PTPRN2: variants seen among roughly 807,000 people sequenced by gnomAD.
PTPRN2 encodes protein tyrosine phosphatase receptor type N2, also known as receptor-type tyrosine-protein phosphatase N2.
In PTPRN2, 74 loss-of-function variants were observed where a neutral mutation model predicts 118.8. The observed-to-expected ratio is 0.62, with a 90% CI of 0.52 to 0.76. The LOEUF is 0.76. Ranked by LOEUF, PTPRN2 falls within the 30% of genes least tolerant of loss-of-function variation. The pLI is 0.00. For missense variants in PTPRN2, 1,481 were observed against 1,394.4 expected (o/e 1.06, Z -0.99); for synonymous variants, 641 against 608.0 (o/e 1.05, Z -0.80).
rs1799738180 is a variant in PTPRN2 at position 158,285,898 on chromosome 7, G to A, written c.277+30921C>T. Among the ~76,000 whole-genome samples the A allele has an allele frequency of 2.6e-5, 4 of 152,248 alleles. No homozygotes were observed. In the South Asian group the frequency reaches 8.3e-4, roughly 32 times the overall value. ...GGACACCAAAGGTTTCACAGAGAGA[G>A]CTCCACACACCTCTGAGGTTGGATC... On this transcript the variant is annotated intron_variant, in intron 3 of 22. Coordinates refer to ENST00000389418, the MANE Select transcript of PTPRN2 (RefSeq NM_002847.5).
In PTPRN2 at chr7:158,446,928, G is replaced by A. The variant is rs966604523; in HGVS notation, c.163+42807C>T. 3.9e-5 allele frequency among the ~76,000 whole-genome samples: 6 copies of A among 152,240 alleles called. No homozygotes were observed. The South Asian group carries it at 1.2e-3, about 32-fold the overall frequency. On this transcript the variant is annotated intron_variant, in intron 2 of 22. Transcript: ENST00000389418. ...TAGCTCCTGTTCCCACGGCCTCACG[G>A]CATCCGTCACTTTCGAGGGTCATCA... is the stretch of plus-strand genomic sequence containing the variant.
At chr7:158,375,981 C>T (rs569402304) in intron 2 of PTPRN2, among the ~76,000 whole-genome samples, 215 of 152,286 alleles carry the variant, frequency 1.4e-3, no homozygotes, top group South Asian at 6.2e-3. Context: ...TCTTCCTGGA[C>T]GCCAGATAAG....
At chr7:158,321,292 G>A (rs1045522762) in intron 2 of PTPRN2, among the ~76,000 whole-genome samples, 14 of 152,118 alleles carry the variant, frequency 9.2e-5, no homozygotes, top group African/African-American at 2.7e-4. Flanking sequence ...CCCAGAGCCC[G>A]TAACCCTCAG....
At chr7:158,358,355 G>C (rs1808558423) in intron 2 of PTPRN2, among the ~76,000 whole-genome samples, 1 of 152,220 alleles carries the variant, frequency 6.6e-6, no homozygotes, top group South Asian at 2.1e-4. Flanking sequence ...CAGAAGGATG[G>C]GCTGGAGGAG....
chr7:157,905,999 T>C (rs1471368072), intron 11 of PTPRN2, among the ~76,000 whole-genome samples: 1 of 152,170 alleles, frequency 6.6e-6, no homozygotes, highest in African/African-American at 2.4e-5. Context: ...GCTGCCACTT[T>C]CCACCCAGGG....
At chr7:158,190,465 G>C (rs988132624) in intron 5 of PTPRN2, among the ~76,000 whole-genome samples, 1 of 152,236 alleles carries the variant, frequency 6.6e-6, no homozygotes, top group Non-Finnish European at 1.5e-5. Flanking sequence ...CAGGCTCCTG[G>C]AAGGCTTTGG....
chr7:157,709,451 C>G (rs1798489864), intron 12 of PTPRN2, among the ~76,000 whole-genome samples: 2 of 152,196 alleles, frequency 1.3e-5, no homozygotes, highest in African/African-American at 2.4e-5. Context: ...AAATTACTGG[C>G]AGTGGACATT....
At chr7:158,328,793 T>TCCCCCCCC (rs368096894) in intron 2 of PTPRN2, among the ~76,000 whole-genome samples, 2 of 133,954 alleles carry the variant, frequency 1.5e-5, no homozygotes, top group African/African-American at 5.7e-5. Flanking sequence ...GGGCCTCCAT[T>TCCCCCCCC]CCCCCCCCCC....
In PTPRN2 at chr7:158,134,020, C is replaced by T. The variant is rs141258253; in HGVS notation, c.1213G>A (p.Asp405Asn). ...CCAGGTAAGAGTCGAGACCCGTGGTCCTGCAGGAGGCCCCCGAGTGTGGCA... is the reference window on the plus strand; with the variant it reads ...CCAGGTAAGAGTCGAGACCCGTGGTTCTGCAGGAGGCCCCCGAGTGTGGCA... ...LSATLGGLLQ[D>N]HGSRLLPGAL... The change falls in exon 9 of 23, where the codon GAC becomes AAC. Residue 405 changes from aspartate to asparagine, a missense_variant. This residue lies in a region of PTPRN2 where 1,115 missense variants were observed against 994.2 expected (regional missense o/e 1.12). Transcript: ENST00000389418. 6 of 1,613,796 alleles carry T rather than the reference C, an allele frequency of 3.7e-6. No individual in the cohort carries two copies. Among genetic ancestry groups the T allele is most frequent in the African/African-American group, 2.7e-5 (2 of 74,934 alleles).
chr7:158,123,835 C>G (rs1817383336), intron 9 of PTPRN2, among the ~76,000 whole-genome samples: 1 of 152,158 alleles, frequency 6.6e-6, no homozygotes, highest in Admixed American at 6.5e-5. Flanking sequence ...GAGCCGTGAA[C>G]CCGTGCTGAC....
At chr7:158,257,092 G>T (rs555351547) in intron 3 of PTPRN2, among the ~76,000 whole-genome samples, 2 of 152,166 alleles carry the variant, frequency 1.3e-5, no homozygotes, top group Non-Finnish European at 2.9e-5. Flanking sequence ...GATCTGGGTT[G>T]AAATGGAGTT....
intron 11 of PTPRN2, among the ~76,000 whole-genome samples, chr7:158,021,704 G>A (rs1476501603): frequency 2.6e-5 from 4 of 152,108 alleles, no homozygotes; most frequent in African/African-American, 7.2e-5. Context: ...GGCCTCGGGA[G>A]GAGCAGCCCT....
chr7:158,585,726 T>A (rs558621980), intron 1 of PTPRN2, among the ~76,000 whole-genome samples: 4 of 152,328 alleles, frequency 2.6e-5, no homozygotes, highest in South Asian at 4.1e-4. Flanking sequence ...TGCTGTGAAC[T>A]AGCCATTGCA....
chr7:157,721,509 C>T (rs1015080738), intron 12 of PTPRN2, among the ~76,000 whole-genome samples: 2 of 152,208 alleles, frequency 1.3e-5, no homozygotes, highest in Non-Finnish European at 2.9e-5. Context: ...AGCTGCGTTG[C>T]CTCCTGACTG....
intron 11 of PTPRN2, among the ~76,000 whole-genome samples, chr7:157,954,507 G>T (rs541638720): frequency 4.5e-4 from 11 of 24,460 alleles, no homozygotes; most frequent in Admixed American, 1.1e-3. Context: ...ACTGTGTGTG[G>T]TGTGTGTGTG....
intron 3 of PTPRN2, among the ~76,000 whole-genome samples, chr7:158,274,340 C>CA (rs1168822105): frequency 0.018 from 34 of 1,938 alleles, no homozygotes; most frequent in East Asian, 0.086. Flanking sequence ...GCCGCAGACG[C>CA]GGGAGAGCCA....
chr7:157,921,621 G>A lies in PTPRN2; in HGVS notation c.1724-22884C>T, dbSNP rs143721144. ...GGAGTGGGCTGCCGCAGGCAGGGAG[G>A]GCTGCTGTAAGGCGAGCCCAGCCCC... is the stretch of plus-strand genomic sequence containing the variant. On this transcript the variant is annotated intron_variant, in intron 11 of 22. Transcript: ENST00000389418. Among the ~76,000 whole-genome samples the A allele has an allele frequency of 3.8e-3, 576 of 152,290 alleles. 19 individuals are homozygous for A. The highest frequency in any genetic ancestry group is 0.027 in the Admixed American group (407 of 15,306).
chr7:158,452,124 C>G (rs997079749), intron 2 of PTPRN2, among the ~76,000 whole-genome samples: 1 of 152,226 alleles, frequency 6.6e-6, no homozygotes, highest in Non-Finnish European at 1.5e-5. Context: ...CTTCAATCTG[C>G]CCGTCTGTTC....
At chr7:157,551,599 CA>C (rs1798610670) in intron 21 of PTPRN2, among the ~76,000 whole-genome samples, 1 of 142,584 alleles carries the variant, frequency 7.0e-6, no homozygotes, top group East Asian at 2.2e-4. Flanking sequence ...AGCCACCACA[CA>C]ACCCACAGCC....
Sources: allele counts gnomAD v4.1 joint callset (sites outside exome capture counted in the v4.1 genomes callset), GRCh38; gene constraint gnomAD v4.1.1; regional missense constraint gnomAD v4.1.1; transcripts MANE v1.5; gene names NCBI Gene and HGNC (gene_info 2026-07-23, HGNC 2026-07-21).